The following WDR7 variants were observed in gnomAD, a reference collection of about 807,000 sequenced individuals.
WDR7 encodes WD repeat-containing protein 7.
A neutral mutation model predicts 169.4 loss-of-function variants in WDR7; 46 were observed. The ratio of observed to expected loss-of-function variants is 0.27; its 90% confidence interval spans 0.21 to 0.35. The LOEUF is 0.35. Among genes scored for constraint, WDR7 ranks in the 10% least tolerant of loss-of-function variants. The pLI, the probability that WDR7 is intolerant of heterozygous loss-of-function variation, is 1.00. For synonymous variants in WDR7, 612 were observed against 666.8 expected (o/e 0.92, Z 1.27); for missense variants, 1,534 against 1,859.3 (o/e 0.83, Z 3.22).
chr18:56,885,758 C>T lies in WDR7; in HGVS notation c.3526+5593C>T, dbSNP rs778124095. On this transcript the variant is annotated intron_variant, in intron 21 of 27. Transcript: ENST00000254442. ...AGGAGAATGGCATGAACCCAGGAGG[C>T]GGAGTTCGCAGTGAGCCGAGATCAC... Among the ~76,000 whole-genome samples the T allele has an allele frequency of 5.4e-5, 8 of 149,352 alleles. No individual in the cohort carries two copies. The Admixed American group carries it at 5.4e-4, about 10-fold the overall frequency.
In WDR7 at chr18:56,691,788, C is replaced by G; in HGVS notation, c.937C>G (p.His313Asp). 1 of 1,611,762 alleles carries G rather than the reference C, an allele frequency of 6.2e-7. No individual in the cohort carries two copies. Among genetic ancestry groups the G allele is most frequent in the African/African-American group, 1.3e-5 (1 of 74,956 alleles). ...TGAAAATTTAATTCCTCCTGTACAA[C>G]ATATCCTCTTGGATCGAAAAGATAA... ...AVENLIPPVQ[H>D]ILLDRKDKEL... The change falls in exon 9 of 28, where the codon CAT becomes GAT. Residue 313 changes from histidine to aspartate, a missense_variant. Coordinates refer to ENST00000254442, the MANE Select transcript of WDR7 (RefSeq NM_015285.3).
intron 26 of WDR7, among the ~76,000 whole-genome samples, chr18:56,964,036 C>T (rs1414831185): frequency 2.6e-5 from 4 of 151,090 alleles, no homozygotes; most frequent in Non-Finnish European, 2.9e-5. Flanking sequence ...GACACAGCTG[C>T]CATCAGCAGA....
intron 20 of WDR7, among the ~76,000 whole-genome samples, chr18:56,827,443 G>A (rs1298784740): frequency 6.6e-6 from 1 of 152,106 alleles, no homozygotes; most frequent in African/African-American, 2.4e-5. Context: ...AAATAAGGCA[G>A]GCACAGAAAG....
chr18:56,753,568 T>G (rs2144920382), intron 14 of WDR7, among the ~76,000 whole-genome samples: 1 of 152,224 alleles, frequency 6.6e-6, no homozygotes, highest in East Asian at 1.9e-4. Flanking sequence ...CTAACTTCCT[T>G]GGCAGAATTA....
chr18:56,682,921 A>G, intron 5 of WDR7, 68 bp downstream of exon 5: 1 of 1,438,808 alleles, frequency 7.0e-7, no homozygotes, highest in Non-Finnish European at 9.5e-7. Context: ...AGAACATTCT[A>G]CAATTTATCA....
At chr18:56,690,323 CAAA>C (rs2025536997) in intron 7 of WDR7, among the ~76,000 whole-genome samples, 1 of 152,080 alleles carries the variant, frequency 6.6e-6, no homozygotes, top group African/African-American at 2.4e-5. Context: ...CAGTGCCTTG[CAAA>C]TGTAAAGCCC....
intron 26 of WDR7, among the ~76,000 whole-genome samples, chr18:57,019,787 A>T (rs1052021550): frequency 2.0e-5 from 3 of 152,084 alleles, no homozygotes; most frequent in African/African-American, 7.2e-5. Flanking sequence ...CAAAAATGAC[A>T]GCTGGAAGTA....
chr18:56,788,753 A>C (rs1287448434), intron 19 of WDR7, among the ~76,000 whole-genome samples: 1 of 152,204 alleles, frequency 6.6e-6, no homozygotes, highest in African/African-American at 2.4e-5. Context: ...GAACCAGCTA[A>C]AACTAAAGGA....
intron 21 of WDR7, among the ~76,000 whole-genome samples, chr18:56,902,052 TTGTC>T (rs1468035914): frequency 8.5e-5 from 13 of 152,270 alleles, no homozygotes; most frequent in Middle Eastern, 3.4e-3. Context: ...AAATTCTACT[TTGTC>T]TGACTGACCA....
chr18:56,766,985 CTT>C (rs1421071082), intron 16 of WDR7, among the ~76,000 whole-genome samples: 1 of 152,132 alleles, frequency 6.6e-6, no homozygotes, highest in Non-Finnish European at 1.5e-5. Flanking sequence ...GTGCTGGACA[CTT>C]TTGTGTTCTT....
intron 19 of WDR7, among the ~76,000 whole-genome samples, chr18:56,788,895 T>G (rs2044443248): frequency 1.3e-5 from 2 of 152,200 alleles, no homozygotes; most frequent in Admixed American, 1.3e-4. Context: ...AAACTACTTC[T>G]GTGTGATACT....
At chr18:56,771,752 C>T (rs967135569) in intron 16 of WDR7, among the ~76,000 whole-genome samples, 6 of 151,676 alleles carry the variant, frequency 4.0e-5, no homozygotes, top group Non-Finnish European at 5.9e-5. Context: ...TGTGGTGGTG[C>T]GCACCTATGA....
intron 1 of WDR7, among the ~76,000 whole-genome samples, chr18:56,663,477 T>C (rs566544907): frequency 6.6e-6 from 1 of 152,280 alleles, no homozygotes; most frequent in East Asian, 1.9e-4. Context: ...TGCCCTTATT[T>C]TTAAGTTCTG....
chr18:56,776,994 G>C, intron 17 of WDR7, 114 bp downstream of exon 17: 1 of 1,023,476 alleles, frequency 9.8e-7, no homozygotes, highest in East Asian at 2.4e-5. Flanking sequence ...AGATTCTAAA[G>C]TTCCCATTTT....
chr18:56,795,833 TA>T (rs1360422229), intron 19 of WDR7, among the ~76,000 whole-genome samples: 30 of 152,214 alleles, frequency 2.0e-4, no homozygotes, highest in Admixed American at 2.0e-3. Context: ...TTATTGTGCT[TA>T]AAGGTCACTG....
At chr18:56,926,796 A>T (rs907535695) in intron 22 of WDR7, among the ~76,000 whole-genome samples, 1 of 152,256 alleles carries the variant, frequency 6.6e-6, no homozygotes, top group African/African-American at 2.4e-5. Flanking sequence ...ATGTTTGCTT[A>T]TTAATCTATA....
intron 26 of WDR7, among the ~76,000 whole-genome samples, chr18:56,965,663 A>G (rs1206253714): frequency 6.6e-6 from 1 of 152,132 alleles, no homozygotes; most frequent in African/African-American, 2.4e-5. Flanking sequence ...CAATGTCAGA[A>G]TTGAGTAGTT....
intron 26 of WDR7, among the ~76,000 whole-genome samples, chr18:56,998,530 C>T (rs775591178): frequency 6.6e-6 from 1 of 152,144 alleles, no homozygotes; most frequent in South Asian, 2.1e-4. Context: ...TTGAATTAAT[C>T]GTTTAACTTC....
At chr18:56,702,887 G>A (rs1253879827) in intron 12 of WDR7, among the ~76,000 whole-genome samples, 7 of 152,060 alleles carry the variant, frequency 4.6e-5, no homozygotes, top group Non-Finnish European at 1.0e-4. Flanking sequence ...TTACATTGAC[G>A]ATTAAATTCT....
Sources: allele counts gnomAD v4.1 joint callset (sites outside exome capture counted in the v4.1 genomes callset), GRCh38; gene constraint gnomAD v4.1.1; transcripts MANE v1.5; gene names NCBI Gene and HGNC (gene_info 2026-07-23, HGNC 2026-07-21).